The following ASNS variants were observed in gnomAD, a reference collection of about 807,000 sequenced individuals.
ASNS encodes asparagine synthetase (glutamine-hydrolyzing).
In ASNS, 37 loss-of-function variants were observed where a neutral mutation model predicts 62.6. The ratio of observed to expected loss-of-function variants is 0.59; its 90% CI spans 0.45 to 0.78. The LOEUF (loss-of-function observed/expected upper bound fraction) is 0.78, where lower values mean the gene tolerates loss of function less well. Ranked by LOEUF, ASNS falls within the 30% of genes least tolerant of loss-of-function variation. The pLI is 0.00. For synonymous variants in ASNS, 207 were observed against 237.9 expected, an observed-to-expected ratio of 0.87 and a Z score of 1.19; for missense variants, 520 against 682.4, an observed-to-expected ratio of 0.76 and a Z score of 2.65.
the ASNS span, among the ~76,000 whole-genome samples, chr7:97,896,630 G>GTA: frequency 0.087 from 9,908 of 113,636 alleles, 722 homozygotes; most frequent in East Asian, 0.22. Flanking sequence ...ATATATATAT[G>GTA]TATATATATA....
At chr7:97,900,359 T>TAAAAAA in the ASNS span, among the ~76,000 whole-genome samples, 2 of 58,384 alleles carry the variant, frequency 3.4e-5, no homozygotes, top group Non-Finnish European at 5.7e-5. Context: ...AGACTTTGTC[T>TAAAAAA]CAAAAAAAAA....
the ASNS span, among the ~76,000 whole-genome samples, chr7:97,914,848 C>T: frequency 1.3e-5 from 2 of 152,186 alleles, no homozygotes; most frequent in African/African-American, 4.8e-5. Flanking sequence ...AAATCCAGAA[C>T]AAGCTGGCTG....
chr7:97,917,346 G>A, the ASNS span, among the ~76,000 whole-genome samples: 7,229 of 150,404 alleles, frequency 0.048, 195 homozygotes, highest in African/African-American at 0.14. Flanking sequence ...AGCCACGGCC[G>A]TGCTCACACA....
At chr7:97,925,451 A>G in the ASNS span, among the ~76,000 whole-genome samples, 3 of 152,258 alleles carry the variant, frequency 2.0e-5, no homozygotes, top group Admixed American at 1.3e-4. Flanking sequence ...ATCTGGAGAC[A>G]TCTGGGGTAG....
intron 8 of ASNS, among the ~76,000 whole-genome samples, chr7:97,855,705 CTAA>C (rs1003467145): frequency 1.3e-5 from 2 of 152,110 alleles, no homozygotes; most frequent in African/African-American, 4.8e-5. Flanking sequence ...TTTTAAAATT[CTAA>C]TGTTTTTAGA....
chr7:97,881,873 G>T, the ASNS span, among the ~76,000 whole-genome samples: 2 of 152,146 alleles, frequency 1.3e-5, no homozygotes, highest in African/African-American at 4.8e-5. Context: ...TCCCAACACA[G>T]CGTGACCGAT....
chr7:97,927,378 GT>G, the ASNS span, among the ~76,000 whole-genome samples: 3 of 152,204 alleles, frequency 2.0e-5, no homozygotes, highest in Non-Finnish European at 2.9e-5. Flanking sequence ...AATCTCAGCA[GT>G]AACAACCCCA....
At chr7:97,902,656 G>A in the ASNS span, among the ~76,000 whole-genome samples, 1 of 152,184 alleles carries the variant, frequency 6.6e-6, no homozygotes, top group East Asian at 1.9e-4. Flanking sequence ...AGGAGGCAGA[G>A]GCTGCAGTGA....
chr7:97,900,359 TCA>T, the ASNS span, among the ~76,000 whole-genome samples: 4 of 58,380 alleles, frequency 6.9e-5, no homozygotes, highest in African/African-American at 2.6e-4. Flanking sequence ...AGACTTTGTC[TCA>T]AAAAAAAAAA....
At chr7:97,858,064 T>C (rs748315262) in intron 7 of ASNS, among the ~76,000 whole-genome samples, 12 of 152,144 alleles carry the variant, frequency 7.9e-5, no homozygotes, top group Non-Finnish European at 1.2e-4. Flanking sequence ...TTTGTGAGAA[T>C]TGCATGGGTC....
At chr7:97,853,027 T>A (rs1584456643) in intron 12 of ASNS, 33 bp downstream of exon 12, 4 of 1,518,178 alleles carry the variant, frequency 2.6e-6, no homozygotes, top group Non-Finnish European at 3.5e-6. Flanking sequence ...CCAAACTGTC[T>A]TATTCCTGAA....
chr7:97,919,788 C>T, the ASNS span, among the ~76,000 whole-genome samples: 4 of 152,114 alleles, frequency 2.6e-5, no homozygotes, highest in African/African-American at 4.8e-5. Context: ...TAGAACAGGG[C>T]GCCACACAGA....
the ASNS span, among the ~76,000 whole-genome samples, chr7:97,880,776 A>G: frequency 3.3e-5 from 5 of 152,356 alleles, no homozygotes; most frequent in South Asian, 1.0e-3. Flanking sequence ...AGTTCATTCC[A>G]GAAGGAGATT....
In ASNS at chr7:97,856,914, A is replaced by G. The variant is rs928442256; in HGVS notation, c.904-98T>C. ...GTTCACAAAGCTTTATGAATTAACA[A>G]TGGTGAAAACTAAACAAGGGAAAAA... On this transcript the variant is annotated intron_variant, in intron 7 of 12. Transcript: ENST00000394308. The G allele has an allele frequency of 5.5e-6, 7 of 1,274,646 alleles. No homozygotes were observed. In the Admixed American group the frequency reaches 9.1e-5, roughly 17 times the overall value. The allele number at this position is 1,274,646 out of a possible 1,614,324, so 79.0% of individuals were successfully genotyped here.
chr7:97,915,385 T>C, the ASNS span, among the ~76,000 whole-genome samples: 1 of 152,226 alleles, frequency 6.6e-6, no homozygotes, highest in Non-Finnish European at 1.5e-5. Flanking sequence ...GCCTCAACTT[T>C]CTCATCTGTA....
chr7:97,874,009 G>A (rs1483347356), upstream of ASNS, among the ~76,000 whole-genome samples: 5 of 152,156 alleles, frequency 3.3e-5, no homozygotes, highest in African/African-American at 4.8e-5. Flanking sequence ...GAGATCAACC[G>A]GTCTGACCAA....
chr7:97,854,882 A>G, intron 9 of ASNS: 1 of 841,174 alleles, frequency 1.2e-6, no homozygotes, highest in East Asian at 2.8e-5. Context: ...AATAAAATGA[A>G]CACAATGGGC....
chr7:97,919,571 A>G, the ASNS span, among the ~76,000 whole-genome samples: 6,415 of 152,302 alleles, frequency 0.042, 308 homozygotes, highest in African/African-American at 0.11. Flanking sequence ...ATGCCCTCCC[A>G]GGCACCTACA....
chr7:97,906,067 A>G, the ASNS span, among the ~76,000 whole-genome samples: 14 of 152,308 alleles, frequency 9.2e-5, no homozygotes, highest in African/African-American at 2.9e-4. Flanking sequence ...TTATTTTTGT[A>G]CTAGCCTAGT....
Sources: gnomAD v4.1 joint callset for allele counts (sites outside exome capture counted in the v4.1 genomes callset) on GRCh38, gnomAD v4.1.1 for gene constraint, MANE v1.5 for transcripts, NCBI Gene and HGNC (gene_info 2026-07-23, HGNC 2026-07-21) for gene names.